Variants in DNAH7 observed in about 807,000 individuals in gnomAD.
DNAH7 encodes the protein dynein axonemal heavy chain 7.
In DNAH7, 397 loss-of-function variants were observed where a neutral mutation model predicts 444.6. The ratio of observed to expected loss-of-function variants is 0.89; its 90% CI spans 0.82 to 0.97. DNAH7 has a LOEUF of 0.97. DNAH7 is among the 50% of genes least tolerant of loss of function. The pLI is 0.00. For synonymous variants in DNAH7, 1,636 were observed against 1,624.4 expected (o/e 1.01, Z -0.17); for missense variants, 4,902 against 4,800.8 (o/e 1.02, Z -0.62).
intron 47 of DNAH7, among the ~76,000 whole-genome samples, chr2:195,844,053 A>G (rs1477309960): frequency 6.6e-6 from 1 of 152,024 alleles, no homozygotes; most frequent in Non-Finnish European, 1.5e-5. Context: ...CCAAGATCGC[A>G]CCACTGCACT....
intron 63 of DNAH7, among the ~76,000 whole-genome samples, chr2:195,752,165 A>T (rs1693832431): frequency 6.6e-6 from 1 of 151,966 alleles, no homozygotes; most frequent in Non-Finnish European, 1.5e-5. Context: ...TCAGCTACTC[A>T]GGAGGCTGAG....
intron 27 of DNAH7, chr2:195,902,075 T>C (rs1686745295): frequency 6.6e-6 from 1 of 152,160 alleles, no homozygotes; most frequent in South Asian, 2.1e-4. Flanking sequence ...ATGACAATCA[T>C]AGTCAGATAG....
Position 195,799,345 on chromosome 2 carries a change from G to C in DNAH7, c.10304C>G (p.Ser3435Cys). The change falls in exon 55 of 65, where the codon TCT becomes TGT. Residue 3435 changes from serine (S) to cysteine (C), a missense_variant. Transcript: ENST00000312428. ...GGCAGCCATGGGATCTGCTCCAGGA[G>C]AGAGCACGAAAATCAGTGGTGCACA... is the stretch of plus-strand genomic sequence containing the variant. Reference protein sequence around the residue: ...NCCAPLIFVLSPGADPMAALL... With the variant: ...NCCAPLIFVLCPGADPMAALL... 1 of 1,611,302 alleles carries C rather than the reference G, an allele frequency of 6.2e-7. No homozygotes were observed. The highest frequency in any genetic ancestry group is 8.5e-7 in the Non-Finnish European group (1 of 1,178,718).
At chr2:195,934,491 C>A (rs578017815) in intron 21 of DNAH7, 100 bp downstream of exon 21, 1 of 1,259,068 alleles carries the variant, frequency 7.9e-7, no homozygotes, top group African/African-American at 1.5e-5. Flanking sequence ...TTCCATGCCT[C>A]CATTTCTGTT....
intron 15 of DNAH7, among the ~76,000 whole-genome samples, chr2:195,973,780 G>C (rs1413623732): frequency 6.6e-6 from 1 of 151,724 alleles, no homozygotes; most frequent in Admixed American, 6.6e-5. Context: ...CCCTTCCTTT[G>C]TATTTTTAAG....
chr2:195,870,556 T>C lies in DNAH7; in HGVS notation c.6633+1694A>G, dbSNP rs557798824. On this transcript the variant is annotated intron_variant, in intron 40 of 64. Coordinates refer to ENST00000312428, the MANE Select transcript of DNAH7 (RefSeq NM_018897.3). ...CAATCTGCTATGGTTTCAATGTTTA[T>C]GTTCCCCCTAAATTTATATGTTGAA... Among the ~76,000 whole-genome samples the C allele has an allele frequency of 7.2e-5, 11 of 152,358 alleles. No homozygotes were observed. In the South Asian group the frequency reaches 1.2e-3, roughly 17 times the overall value.
chr2:195,824,403 T>C lies in DNAH7; in HGVS notation c.9143A>G (p.Glu3048Gly), dbSNP rs2124915965. The change falls in exon 49 of 65, where the codon GAA becomes GGA. Residue 3048 changes from glutamate (E) to glycine (G), a missense_variant. By Grantham distance (98) the Glu-to-Gly change is moderately conservative (BLOSUM62 -2). Coordinates refer to ENST00000312428, the MANE Select transcript of DNAH7 (RefSeq NM_018897.3). ...AAAGGTTTGTTTTAGTAGAAGAGGT[T>C]CCAAAATAGGATCTAGTTCTTCGCC... is the stretch of plus-strand genomic sequence containing the variant. ...NVGEELDPIL[E>G]PLLLKQTFKQ... The C allele has an allele frequency of 4.3e-6, 7 of 1,611,786 alleles. No homozygotes were observed. The South Asian group carries it at 5.5e-5, about 13-fold the overall frequency.
At chr2:195,875,478 T>G (rs185420089) in intron 38 of DNAH7, among the ~76,000 whole-genome samples, 197 bp downstream of exon 38, 2 of 152,306 alleles carry the variant, frequency 1.3e-5, no homozygotes, top group Admixed American at 1.3e-4. Context: ...GAAGAGTTGG[T>G]GGGTGCATAG....
chr2:196,046,769 A>G (rs114226833), intron 5 of DNAH7, among the ~76,000 whole-genome samples: 8,487 of 152,244 alleles, frequency 0.056, 377 homozygotes, highest in African/African-American at 0.13. Flanking sequence ...ACTTACCACA[A>G]TGGGTCATGA....
intron 34 of DNAH7, 21 bp from the exon 35 acceptor site, chr2:195,884,830 G>C: frequency 6.4e-7 from 1 of 1,572,462 alleles, no homozygotes. Flanking sequence ...CAGATGAGAA[G>C]ATTAAGAACA....
At chr2:195,938,690 C>A (rs1421314395) in intron 19 of DNAH7, among the ~76,000 whole-genome samples, 5 of 152,062 alleles carry the variant, frequency 3.3e-5, no homozygotes, top group Admixed American at 1.3e-4. Context: ...CAAACAACAA[C>A]AAACCATGGA....
intron 25 of DNAH7, among the ~76,000 whole-genome samples, chr2:195,908,091 A>G (rs1283993697): frequency 6.6e-6 from 1 of 151,940 alleles, no homozygotes; most frequent in African/African-American, 2.4e-5. Context: ...GACTCTAAAT[A>G]AAAGAATGAA....
At chr2:195,883,413 A>T (rs1701525448) in intron 35 of DNAH7, among the ~76,000 whole-genome samples, 1 of 151,102 alleles carries the variant, frequency 6.6e-6, no homozygotes, top group Non-Finnish European at 1.5e-5. Context: ...GTGCCACTGC[A>T]CTCCAACCTG....
intron 48 of DNAH7, among the ~76,000 whole-genome samples, chr2:195,830,035 C>T (rs1034616938): frequency 2.4e-4 from 36 of 151,988 alleles, no homozygotes; most frequent in African/African-American, 2.2e-4. Flanking sequence ...TCTTTAATTT[C>T]GTTATTTTAT....
At chr2:195,771,334 C>A (rs1400394415) in intron 61 of DNAH7, among the ~76,000 whole-genome samples, 2 of 151,616 alleles carry the variant, frequency 1.3e-5, no homozygotes, top group Non-Finnish European at 2.9e-5. Flanking sequence ...AGTGAGACCC[C>A]ATCTCTAAAA....
At chr2:195,790,869 G>A (rs762322542) in intron 57 of DNAH7, among the ~76,000 whole-genome samples, 1 of 152,084 alleles carries the variant, frequency 6.6e-6, no homozygotes, top group Non-Finnish European at 1.5e-5. Context: ...AGAGCTTCTG[G>A]AGAGCAAAAG....
intron 48 of DNAH7, among the ~76,000 whole-genome samples, chr2:195,827,581 CTATTT>C (rs1282878659): frequency 2.0e-5 from 3 of 151,562 alleles, no homozygotes; most frequent in East Asian, 1.9e-4. Flanking sequence ...TGCCTCCAGC[CTATTT>C]TATTTTATTT....
intron 5 of DNAH7, among the ~76,000 whole-genome samples, chr2:196,043,020 T>C (rs192104432): frequency 2.0e-5 from 3 of 152,106 alleles, no homozygotes; most frequent in Admixed American, 1.3e-4. Context: ...AGTATAGAGA[T>C]AGAAAGAAGA....
chr2:195,968,391 C>T (rs1311858397), intron 17 of DNAH7, among the ~76,000 whole-genome samples: 3 of 152,162 alleles, frequency 2.0e-5, no homozygotes, highest in Admixed American at 6.5e-5. Flanking sequence ...TCTTCCAGCC[C>T]AGGGTATGTC....
Sources: allele counts gnomAD v4.1 joint callset (sites outside exome capture counted in the v4.1 genomes callset), GRCh38; gene constraint gnomAD v4.1.1; transcripts MANE v1.5; gene names NCBI Gene and HGNC (gene_info 2026-07-23, HGNC 2026-07-21).